The following STXBP6 variants were observed in gnomAD, a reference collection of about 807,000 sequenced individuals.
STXBP6 encodes the protein syntaxin binding protein 6.
Under a neutral mutation model 26.9 loss-of-function variants are expected in STXBP6, and 21 were observed. That is an observed-to-expected ratio of 0.78 (90% CI 0.55 to 1.12). STXBP6 has a LOEUF of 1.12. STXBP6 is among the 50% of genes most tolerant of loss of function. The probability of loss-of-function intolerance (pLI) is 0.00; values close to 1 mark genes in which losing one functional copy is unlikely to be tolerated. For synonymous variants in STXBP6, 97 were observed against 92.6 expected (o/e 1.05, Z -0.27); for missense variants, 232 against 257.9 (o/e 0.90, Z 0.69).
At chr14:24,834,032 G>A (rs567437539) in intron 4 of STXBP6, among the ~76,000 whole-genome samples, 16 of 151,976 alleles carry the variant, frequency 1.1e-4, no homozygotes, top group East Asian at 9.7e-4. Context: ...GATCTTGCTC[G>A]TTGCCCAGGC....
At chr14:24,900,966 A>G (rs951785370) in intron 2 of STXBP6, among the ~76,000 whole-genome samples, 1 of 152,230 alleles carries the variant, frequency 6.6e-6, no homozygotes, top group Non-Finnish European at 1.5e-5. Flanking sequence ...TGGAAGGAGG[A>G]GCAATTCTGC....
intron 1 of STXBP6, among the ~76,000 whole-genome samples, chr14:24,990,054 T>C (rs1019863864): frequency 6.6e-6 from 1 of 152,218 alleles, no homozygotes; most frequent in Non-Finnish European, 1.5e-5. Flanking sequence ...GAGCTGACTA[T>C]GACTTTGGAC....
intron 2 of STXBP6, among the ~76,000 whole-genome samples, chr14:24,949,040 T>C (rs1459823155): frequency 2.0e-5 from 3 of 152,088 alleles, no homozygotes; most frequent in Non-Finnish European, 1.5e-5. Flanking sequence ...ACAGAGTAGC[T>C]GGAAAGATAA....
At chr14:24,847,512 TTA>T (rs2069003899) in intron 4 of STXBP6, among the ~76,000 whole-genome samples, 2 of 152,256 alleles carry the variant, frequency 1.3e-5, no homozygotes, top group African/African-American at 4.8e-5. Flanking sequence ...GTTGGCAAAT[TTA>T]TGTCTCCCAA....
intron 1 of STXBP6, among the ~76,000 whole-genome samples, chr14:25,033,106 T>C (rs1026911910): frequency 1.3e-5 from 2 of 152,102 alleles, no homozygotes; most frequent in Non-Finnish European, 2.9e-5. Flanking sequence ...CAAACTTCAA[T>C]TGGAAAAAGA....
chr14:24,849,475 A>C (rs532501983), intron 4 of STXBP6, among the ~76,000 whole-genome samples: 3 of 152,168 alleles, frequency 2.0e-5, no homozygotes, highest in Non-Finnish European at 4.4e-5. Flanking sequence ...GGAACGTGGA[A>C]GTCACGGTCT....
At chr14:24,940,907 T>G (rs1273281202) in intron 2 of STXBP6, among the ~76,000 whole-genome samples, 1 of 151,984 alleles carries the variant, frequency 6.6e-6, no homozygotes, top group Non-Finnish European at 1.5e-5. Flanking sequence ...TCCTAGCTAC[T>G]TGGGAGGCAG....
intron 1 of STXBP6, among the ~76,000 whole-genome samples, chr14:25,020,204 G>A (rs894633893): frequency 1.3e-5 from 2 of 152,026 alleles, no homozygotes; most frequent in Non-Finnish European, 2.9e-5. Context: ...ACCATGTGAG[G>A]CAAAAAGGAG....
chr14:24,854,507 G>A (rs528348107), intron 4 of STXBP6, among the ~76,000 whole-genome samples: 5 of 152,214 alleles, frequency 3.3e-5, no homozygotes, highest in African/African-American at 1.2e-4. Flanking sequence ...GGACATGGAT[G>A]AGAAAAATGC....
intron 1 of STXBP6, among the ~76,000 whole-genome samples, chr14:24,992,695 A>G (rs766759670): frequency 1.3e-5 from 2 of 152,218 alleles, no homozygotes; most frequent in African/African-American, 2.4e-5. Context: ...GATTAATGTA[A>G]TGCAATAAGC....
At chr14:25,012,205 C>A (rs1287295647) in intron 1 of STXBP6, among the ~76,000 whole-genome samples, 1 of 152,146 alleles carries the variant, frequency 6.6e-6, no homozygotes, top group Non-Finnish European at 1.5e-5. Context: ...ATGTATGTAG[C>A]ATGAAACATA....
At chr14:24,875,243 A>G (rs1407573178) in intron 2 of STXBP6, among the ~76,000 whole-genome samples, 1 of 152,158 alleles carries the variant, frequency 6.6e-6, no homozygotes, top group Non-Finnish European at 1.5e-5. Flanking sequence ...AGACCCTAAG[A>G]GCGCCCTCAC....
chr14:24,920,539 C>T (rs889842301), intron 2 of STXBP6, among the ~76,000 whole-genome samples: 8 of 151,996 alleles, frequency 5.3e-5, no homozygotes, highest in African/African-American at 7.2e-5. Flanking sequence ...GCTGAGTAAG[C>T]GCACATTTCT....
intron 1 of STXBP6, among the ~76,000 whole-genome samples, chr14:25,018,140 T>C (rs2075190525): frequency 1.3e-5 from 2 of 152,176 alleles, no homozygotes; most frequent in South Asian, 4.1e-4. Context: ...TACTGCTTTT[T>C]TATCTTCCCA....
At position 24,937,677 on chromosome 14, in the gene STXBP6, T is replaced by C. The variant is rs375844371; in HGVS notation, c.154+36988A>G. ...TAATTTATATTATCACTTCTGACCA[T>C]AGCTGATATATGTTTTAAACATGTA... On this transcript the variant is annotated intron_variant, in intron 2 of 5. Transcript: ENST00000323944. Among the ~76,000 whole-genome samples, 11 of 152,360 alleles carry C rather than the reference T, an allele frequency of 7.2e-5. No individual in the cohort carries two copies. The East Asian group carries it at 1.7e-3, about 24-fold the overall frequency.
intron 2 of STXBP6, among the ~76,000 whole-genome samples, chr14:24,861,009 C>T (rs899077247): frequency 2.6e-5 from 4 of 151,944 alleles, no homozygotes; most frequent in African/African-American, 9.7e-5. Flanking sequence ...ACTTGAATTA[C>T]TTCATAACTT....
At chr14:24,900,172 A>G (rs2071162500) in intron 2 of STXBP6, among the ~76,000 whole-genome samples, 1 of 152,218 alleles carries the variant, frequency 6.6e-6, no homozygotes, top group Admixed American at 6.5e-5. Context: ...ACCTATACTA[A>G]GAGAAAGGCA....
rs1357811846 is a variant in STXBP6 at position 24,819,075 on chromosome 14, T to C, written c.571A>G (p.Lys191Glu). The C allele has an allele frequency of 6.2e-7, 1 of 1,612,104 alleles. No individual in the cohort carries two copies. The highest frequency in any genetic ancestry group is 1.1e-5 in the South Asian group (1 of 90,834). ...TCTGCAAACTGCTGGGCGCTGTTCT[T>C]CAGGTCTTCTGTCTTCTCCTCTGCT... The part of the protein sequence containing the change: ...GRAEEKTEDL[K>E]NSAQQFAETA... The change falls in exon 5 of 6, where the codon AAG (lysine) becomes GAG (glutamate). Residue 191 changes from lysine to glutamate, a missense_variant. Physicochemically the swap from Lys to Glu is moderately conservative, Grantham distance 56 (BLOSUM62 1). Coordinates refer to ENST00000323944, the MANE Select transcript of STXBP6 (RefSeq NM_001394410.1).
intron 4 of STXBP6, among the ~76,000 whole-genome samples, chr14:24,843,685 C>G (rs1358327843): frequency 6.6e-6 from 1 of 152,192 alleles, no homozygotes; most frequent in Admixed American, 6.5e-5. Context: ...CAGTAAGTGA[C>G]AGACCAGAAA....
Sources: gnomAD v4.1 joint callset for allele counts (sites outside exome capture counted in the v4.1 genomes callset) on GRCh38, gnomAD v4.1.1 for gene constraint, MANE v1.5 for transcripts, NCBI Gene and HGNC (gene_info 2026-07-23, HGNC 2026-07-21) for gene names.